The following JAG1 variants were observed in gnomAD, a reference collection of about 807,000 sequenced individuals.
The protein encoded by JAG1 is jagged canonical Notch ligand 1.
A neutral mutation model predicts 148.7 loss-of-function variants in JAG1; 23 were observed. The ratio of observed to expected loss-of-function variants is 0.15; its 90% CI spans 0.11 to 0.22. JAG1 has a LOEUF of 0.22. Among genes scored for constraint, JAG1 ranks in the 10% least tolerant of loss-of-function variants. The probability of loss-of-function intolerance (pLI) is 1.00; values close to 1 mark genes in which losing one functional copy is unlikely to be tolerated. For missense variants in JAG1, 1,054 were observed against 1,611.2 expected (o/e 0.65, Z 5.92); for synonymous variants, 572 against 598.3 (o/e 0.96, Z 0.64).
At chr20:10,648,999 G>A (rs376922002) in intron 11 of JAG1, 62 bp downstream of exon 11, 528 of 1,309,958 alleles carry the variant, frequency 4.0e-4, no homozygotes, top group Non-Finnish European at 5.1e-4. Context: ...TCCTAGTGTC[G>A]CACAAATCTA....
intron 8 of JAG1, chr20:10,651,358 G>T (rs539567826): frequency 7.4e-5 from 38 of 511,684 alleles, no homozygotes; most frequent in African/African-American, 6.3e-4. Context: ...CCACGAGGAC[G>T]TTCCTTCCAA....
intron 6 of JAG1, 64 bp from the exon 7 acceptor site, chr20:10,652,314 T>C (rs1366811688): frequency 1.2e-6 from 2 of 1,608,394 alleles, no homozygotes; most frequent in Non-Finnish European, 1.7e-6. Context: ...ACCATGTTTC[T>C]AGCCCCAGTC....
In JAG1 at chr20:10,673,103, C is replaced by A; in HGVS notation, c.82-97G>T. On this transcript the variant is annotated intron_variant, in intron 1 of 25. Coordinates refer to ENST00000254958, the MANE Select transcript of JAG1 (RefSeq NM_000214.3). The surrounding 1 kb of genome is among the most constrained non-coding windows in gnomAD (Gnocchi z 4.7). The stretch of plus-strand genomic sequence containing the variant: ...CCTCCCACTCCCCGCCCCGACGAGC[C>A]CTCCTCGCCGAGTGAAAATAATTTT... 2.7e-6 allele frequency: 3 copies of A among 1,124,486 alleles called. No homozygotes were observed. The highest frequency in any genetic ancestry group is 3.9e-6 in the Non-Finnish European group (3 of 760,962). 69.7% of individuals were successfully genotyped at this position (1,124,486 alleles called of 1,614,324 possible). A position where few individuals can be genotyped will look rare whatever the true frequency, so the allele number is the denominator to read the frequency against.
intron 2 of JAG1, among the ~76,000 whole-genome samples, chr20:10,672,179 T>A (rs1264811119): frequency 6.6e-6 from 1 of 151,684 alleles, no homozygotes; most frequent in Admixed American, 6.6e-5. Flanking sequence ...CCGCACACAC[T>A]AAAATCTCCC....
At position 10,672,730 on chromosome 20, in the gene JAG1, T is replaced by C. The variant is rs1248242305; in HGVS notation, c.358A>G (p.Ile120Val). ...CAGGCGAAACTGAAAGGCAGCACGA[T>C]GCGGTTGCGGTCGTTGCCGCGGCTG... is the stretch of plus-strand genomic sequence containing the variant. ...KASRGNDRNR[I>V]VLPFSFAWPR... The change falls in exon 2 of 26, where the codon ATC becomes GTC. Residue 120 changes from isoleucine (I) to valine (V), a missense_variant. Ile to Val is a conservative substitution (Grantham distance 29, BLOSUM62 3). Around this residue, in one of 6 missense-constraint regions of JAG1, gnomAD observed 151 missense variants for 211.1 expected, o/e 0.72. Transcript: ENST00000254958. 3.1e-6 allele frequency: 5 copies of C among 1,613,020 alleles called. 1 individual carries two copies. In the South Asian group the frequency reaches 5.5e-5, roughly 18 times the overall value.
At chr20:10,642,641 G>A in intron 20 of JAG1, 40 bp from the exon 21 acceptor site, 6 of 1,161,910 alleles carry the variant, frequency 5.2e-6, no homozygotes, top group Non-Finnish European at 7.8e-6. Context: ...CTGATGGTGT[G>A]TGGCAATGTT....
chr20:10,645,216 G>C lies in JAG1; in HGVS notation c.2154C>G (p.Gly718=). The change falls in exon 17 of 26, where the codon GGC becomes GGG. Residue 718 remains glycine (G), a synonymous_variant. Coordinates refer to ENST00000254958, the MANE Select transcript of JAG1 (RefSeq NM_000214.3). The surrounding 1 kb of genome is among the most constrained non-coding windows in gnomAD (Gnocchi z 6.1). The part of the protein sequence containing the change: ...QCDEATCNNG[G]TCYDEGDAFK... ...AAGCATCCCCCTCATCATAGCAGGT[G>C]CCACCGTTGTTGCACGTGGCCTCAT... 1.2e-6 allele frequency: 2 copies of C among 1,614,196 alleles called. No individual in the cohort carries two copies. Among genetic ancestry groups the C allele is most frequent in the Non-Finnish European group, 1.7e-6 (2 of 1,180,036 alleles).
At chr20:10,643,943 C>G in intron 19 of JAG1, 80 bp from the exon 20 acceptor site, 1 of 1,009,220 alleles carries the variant, frequency 9.9e-7, no homozygotes, top group Non-Finnish European at 1.6e-6. Context: ...GTCACCACAC[C>G]AGTTACAGTC....
Position 10,658,739 on chromosome 20 carries a change from G to T in JAG1, c.440-17C>A. On this transcript the variant is annotated splice_polypyrimidine_tract_variant and intron_variant, in intron 3 of 25. Coordinates refer to ENST00000254958, the MANE Select transcript of JAG1 (RefSeq NM_000214.3). ...TGTCAGGTTCTAGAGACAAAGTGAT[G>T]AATCATGTTAATATTCACATTGCAG... The T allele has an allele frequency of 6.2e-7, 1 of 1,613,844 alleles. No individual in the cohort carries two copies. The highest frequency in any genetic ancestry group is 1.1e-5 in the South Asian group (1 of 91,050).
At chr20:10,651,756 C>A in intron 7 of JAG1, 62 bp from the exon 8 acceptor site, 1 of 1,040,974 alleles carries the variant, frequency 9.6e-7, no homozygotes, top group Non-Finnish European at 1.5e-6. Flanking sequence ...CCCCACACCC[C>A]CCTCCAACCG....
chr20:10,646,867 G>C, intron 14 of JAG1, 72 bp downstream of exon 14: 8 of 1,431,964 alleles, frequency 5.6e-6, no homozygotes, highest in Non-Finnish European at 7.9e-6. Context: ...ATCCCAGGGT[G>C]GGCCAGGGGC....
At chr20:10,665,095 A>T (rs1176338495) in intron 2 of JAG1, among the ~76,000 whole-genome samples, 4 of 152,202 alleles carry the variant, frequency 2.6e-5, no homozygotes, top group African/African-American at 9.7e-5. Context: ...AGCCATAGGA[A>T]ATAGAAGCGT....
At chr20:10,649,704 AAG>A (rs1364540552) in intron 9 of JAG1, 69 bp from the exon 10 acceptor site, 2 of 876,490 alleles carry the variant, frequency 2.3e-6, no homozygotes. Context: ...TGGAAAAAAA[AAG>A]AACAGGCCAG....
intron 2 of JAG1, among the ~76,000 whole-genome samples, chr20:10,669,862 A>C (rs6077869): frequency 1.3e-5 from 2 of 152,094 alleles, no homozygotes; most frequent in Non-Finnish European, 2.9e-5. Flanking sequence ...GTGATTTATA[A>C]GTGGTAATTC....
intron 14 of JAG1, 120 bp downstream of exon 14, chr20:10,646,819 C>T (rs1403647371): frequency 1.0e-5 from 10 of 982,990 alleles, no homozygotes; most frequent in African/African-American, 1.6e-5. Flanking sequence ...CAGCGAAATT[C>T]GGTCTCAAAA....
rs1190541947 is a variant in JAG1 at position 10,646,044 on chromosome 20, G to A, written c.1926C>T (p.Gly642=). Residue 642 remains glycine (G), a synonymous_variant, in exon 15 of 26, where the codon GGC becomes GGT. Coordinates refer to ENST00000254958, the MANE Select transcript of JAG1 (RefSeq NM_000214.3). ...AGGAGTTGACACCATCGATGCAAGT[G>A]CCACCGTTTCTACAAGGGTTGCTCT... ...DCESNPCRNG[G]TCIDGVNSYK... is the part of the protein sequence containing the mutation. 6.2e-7 allele frequency: 1 copy of A among 1,613,896 alleles called. No homozygotes were observed.
rs2067246363 is a variant in JAG1, at chr20:10,638,314, A to G, written c.*1184T>C. On this transcript the variant is annotated 3_prime_UTR_variant, in exon 26 of 26. Transcript: ENST00000254958. ...ATTAAAAAAAAAAATCAAATCTACAAGTGGTTCAGTATTATGTACGAATGG... is the reference window on the plus strand; with the variant it reads ...ATTAAAAAAAAAAATCAAATCTACAGGTGGTTCAGTATTATGTACGAATGG... 6.6e-6 allele frequency: 1 copy of G among 152,656 alleles called. No individual in the cohort carries two copies. Among genetic ancestry groups the G allele is most frequent in the Non-Finnish European group, 1.5e-5 (1 of 68,042 alleles). 9.5% of individuals were successfully genotyped at this position (152,656 alleles called of 1,614,324 possible).
At chr20:10,668,498 T>A (rs2067472353) in intron 2 of JAG1, among the ~76,000 whole-genome samples, 1 of 152,170 alleles carries the variant, frequency 6.6e-6, no homozygotes, top group Non-Finnish European at 1.5e-5. Flanking sequence ...TGTATGCACA[T>A]CCAGAGATCA....
chr20:10,659,255 G>C (rs2067398171), intron 3 of JAG1, among the ~76,000 whole-genome samples: 1 of 152,236 alleles, frequency 6.6e-6, no homozygotes, highest in African/African-American at 2.4e-5. Flanking sequence ...CATTTAATTA[G>C]CATTTAACTA....
Sources: allele counts gnomAD v4.1 joint callset (sites outside exome capture counted in the v4.1 genomes callset), GRCh38; gene constraint gnomAD v4.1.1; regional missense constraint gnomAD v4.1.1; non-coding constraint Gnocchi (gnomAD v3.1); transcripts MANE v1.5; gene names NCBI Gene and HGNC (gene_info 2026-07-23, HGNC 2026-07-21).